Variants in ALDH1A2 observed in about 807,000 individuals in gnomAD.
ALDH1A2 encodes retinal dehydrogenase 2.
ALDH1A2 carries 27 observed loss-of-function variants against 60.3 expected under a neutral mutation model. The observed-to-expected ratio is 0.45, with a 90% CI of 0.33 to 0.62. The LOEUF is 0.62. Ranked by LOEUF, ALDH1A2 falls within the 20% of genes least tolerant of loss-of-function variation. ALDH1A2 has a pLI of 0.02. For missense variants in ALDH1A2, 581 were observed against 643.8 expected (o/e 0.90, Z 1.06); for synonymous variants, 289 against 232.4 (o/e 1.24, Z -2.21).
intron 1 of ALDH1A2, among the ~76,000 whole-genome samples, chr15:58,063,993 G>C (rs981591084): frequency 1.3e-5 from 2 of 152,060 alleles, no homozygotes; most frequent in African/African-American, 4.8e-5. Context: ...TCTGAAAAAC[G>C]TACCTATTGC....
At chr15:58,053,979 G>A (rs1051745731) in intron 1 of ALDH1A2, among the ~76,000 whole-genome samples, 7 of 152,012 alleles carry the variant, frequency 4.6e-5, no homozygotes, top group African/African-American at 9.7e-5. Context: ...AGTATATGTC[G>A]CCAATTCAAT....
At chr15:57,992,900 G>T in intron 6 of ALDH1A2, 45 bp downstream of exon 6, 1 of 1,613,576 alleles carries the variant, frequency 6.2e-7, no homozygotes, top group Non-Finnish European at 8.5e-7. Context: ...GTAGGCTCCA[G>T]CTGTAAGGGG....
chr15:57,993,557 A>G (rs1894961915), intron 5 of ALDH1A2, among the ~76,000 whole-genome samples: 1 of 152,180 alleles, frequency 6.6e-6, no homozygotes, highest in African/African-American at 2.4e-5. Flanking sequence ...CTTTAGATAC[A>G]TGCATTGTCA....
At chr15:57,995,225 AAAAAAAAAAAAC>A (rs201972956) in intron 4 of ALDH1A2, 86 bp from the exon 5 acceptor site, 26,185 of 791,750 alleles carry the variant, frequency 0.033, 647 homozygotes, top group Non-Finnish European at 0.039. Flanking sequence ...TGCAAAAAAA[AAAAAAAAAAAAC>A]AAACAGAAAT....
chr15:58,036,184 T>G (rs989158099), intron 1 of ALDH1A2, among the ~76,000 whole-genome samples: 5 of 151,640 alleles, frequency 3.3e-5, no homozygotes, highest in African/African-American at 9.7e-5. Context: ...TTAAAAAATC[T>G]ACAAAAATTG....
chr15:57,982,807 A>C (rs980039384), intron 7 of ALDH1A2, among the ~76,000 whole-genome samples: 11 of 152,190 alleles, frequency 7.2e-5, no homozygotes, highest in Non-Finnish European at 1.6e-4. Context: ...TATTTTCTCC[A>C]GCTTTTACAC....
chr15:58,025,429 C>T (rs891769172), intron 1 of ALDH1A2, among the ~76,000 whole-genome samples: 5 of 152,118 alleles, frequency 3.3e-5, no homozygotes, highest in Non-Finnish European at 5.9e-5. Flanking sequence ...GGATACATTC[C>T]TGGAAACATA....
chr15:58,060,439 A>C (rs2140585892), intron 1 of ALDH1A2, among the ~76,000 whole-genome samples: 1 of 151,644 alleles, frequency 6.6e-6, no homozygotes, highest in South Asian at 2.1e-4. Context: ...TCAGTGAAGA[A>C]ACTCTTTAAG....
chr15:57,983,485 T>C (rs887832936), intron 7 of ALDH1A2, among the ~76,000 whole-genome samples: 33 of 152,340 alleles, frequency 2.2e-4, no homozygotes, highest in African/African-American at 7.2e-4. Context: ...GTTGTGACTA[T>C]TAACAACTGT....
In ALDH1A2 at chr15:58,065,679, G is replaced by A. The variant is rs761539969; in HGVS notation, c.-29C>T. 4.7e-6 allele frequency: 7 copies of A among 1,498,416 alleles called. No individual in the cohort carries two copies. Among genetic ancestry groups the A allele is most frequent in the South Asian group, 2.5e-5 (2 of 80,006 alleles). 92.8% of individuals were successfully genotyped at this position (1,498,416 alleles called of 1,614,324 possible). On this transcript the variant is annotated 5_prime_UTR_variant, in exon 1 of 13. Coordinates refer to ENST00000249750, the MANE Select transcript of ALDH1A2 (RefSeq NM_003888.4). The stretch of plus-strand genomic sequence containing the variant: ...GGCGGGCCGGGTGTCCCTAGCCCGC[G>A]GCGTGGGGCAGTGCGGGCTGTGCGC...
chr15:57,965,524 GT>G (rs1288118646), intron 8 of ALDH1A2, among the ~76,000 whole-genome samples, 200 bp downstream of exon 8: 3 of 152,172 alleles, frequency 2.0e-5, no homozygotes, highest in Admixed American at 1.3e-4. Context: ...TGGCTCATTA[GT>G]GTCTAGAAAA....
intron 12 of ALDH1A2, among the ~76,000 whole-genome samples, chr15:57,958,265 C>G (rs1394444723): frequency 3.3e-5 from 5 of 151,418 alleles, no homozygotes; most frequent in Non-Finnish European, 7.4e-5. Flanking sequence ...TCTAACAATG[C>G]TTCTCATTTT....
At chr15:58,037,386 T>C (rs1896402968) in intron 1 of ALDH1A2, among the ~76,000 whole-genome samples, 1 of 151,600 alleles carries the variant, frequency 6.6e-6, no homozygotes, top group South Asian at 2.1e-4. Context: ...AAGAGACTTT[T>C]AAAAGCCAAG....
At chr15:58,001,046 A>AAAT (rs1895250509) in intron 4 of ALDH1A2, among the ~76,000 whole-genome samples, 1 of 151,206 alleles carries the variant, frequency 6.6e-6, no homozygotes, top group Non-Finnish European at 1.5e-5. Context: ...AAAAAAAAAA[A>AAAT]AAAAAAAGAA....
chr15:57,960,141 T>C (rs1893673157), intron 12 of ALDH1A2, among the ~76,000 whole-genome samples: 1 of 152,196 alleles, frequency 6.6e-6, no homozygotes, highest in South Asian at 2.1e-4. Flanking sequence ...CTGCGATTCC[T>C]CTGATTCTTT....
At chr15:58,040,828 C>T (rs1896503878) in intron 1 of ALDH1A2, among the ~76,000 whole-genome samples, 1 of 151,868 alleles carries the variant, frequency 6.6e-6, no homozygotes, top group African/African-American at 2.4e-5. Flanking sequence ...ACACTTTTTA[C>T]ACATATTAAC....
rs746227185 is a variant in ALDH1A2 at position 58,010,743 on chromosome 15, C to G, written c.399G>C (p.Leu133=). The change falls in exon 4 of 13, where the codon CTG becomes CTC. Residue 133 remains leucine, a synonymous_variant. Transcript: ENST00000249750. The part of the protein sequence containing the change: ...MESLNGGKPF[L]QAFYVDLQGV... ...CCTGCAAATCCACATAAAAAGCTTG[C>G]AGGAATGGTTTGCCACCATTTAGGG... 3 of 1,613,422 alleles carry G rather than the reference C, an allele frequency of 1.9e-6. No individual in the cohort carries two copies. In the South Asian group the frequency reaches 3.3e-5, roughly 18 times the overall value.
intron 4 of ALDH1A2, among the ~76,000 whole-genome samples, chr15:57,995,703 A>G (rs1369244640): frequency 6.6e-6 from 1 of 152,084 alleles, no homozygotes; most frequent in Non-Finnish European, 1.5e-5. Context: ...AAAGAAGGTA[A>G]AAGTCCATTT....
At chr15:58,007,034 C>T (rs1357832073) in intron 4 of ALDH1A2, among the ~76,000 whole-genome samples, 1 of 151,828 alleles carries the variant, frequency 6.6e-6, no homozygotes, top group East Asian at 1.9e-4. Flanking sequence ...AGAGAAAATA[C>T]ATGTGTCACA....
Sources: allele counts gnomAD v4.1 joint callset (sites outside exome capture counted in the v4.1 genomes callset), GRCh38; gene constraint gnomAD v4.1.1; transcripts MANE v1.5; gene names NCBI Gene and HGNC (gene_info 2026-07-23, HGNC 2026-07-21).